The following RGL1 variants were observed in gnomAD, a reference collection of about 807,000 sequenced individuals.
RGL1 encodes the protein ral guanine nucleotide dissociation stimulator like 1, also known as ral guanine nucleotide dissociation stimulator-like 1.
In RGL1, 24 loss-of-function variants were observed where a neutral mutation model predicts 95.2. The ratio of observed to expected loss-of-function variants is 0.25; its 90% CI spans 0.18 to 0.35. The LOEUF (loss-of-function observed/expected upper bound fraction) is 0.35. RGL1 is among the 10% of genes least tolerant of loss of function. The pLI is 1.00. For missense variants in RGL1, 715 were observed against 936.3 expected, an observed-to-expected ratio of 0.76 and a Z score of 3.08; for synonymous variants, 329 against 344.9, an observed-to-expected ratio of 0.95 and a Z score of 0.51.
At chr1:183,898,892 G>T (rs1667857939) in intron 10 of RGL1, among the ~76,000 whole-genome samples, 1 of 152,212 alleles carries the variant, frequency 6.6e-6, no homozygotes, top group South Asian at 2.1e-4. Context: ...GCTTTACCCT[G>T]TTTGAGGCTT....
At chr1:183,767,243 A>G (rs1572387546) in intron 2 of RGL1, among the ~76,000 whole-genome samples, 2 of 151,424 alleles carry the variant, frequency 1.3e-5, no homozygotes, top group South Asian at 4.1e-4. Flanking sequence ...AAAAAAAAAA[A>G]AAAGAAACTA....
chr1:183,792,377 C>T (rs532259618), intron 2 of RGL1, among the ~76,000 whole-genome samples: 15 of 152,140 alleles, frequency 9.9e-5, no homozygotes, highest in Admixed American at 9.8e-4. Context: ...CTACTCTAAG[C>T]TAACCTATGG....
chr1:183,706,225 G>A (rs1316534024), intron 1 of RGL1, among the ~76,000 whole-genome samples: 1 of 152,166 alleles, frequency 6.6e-6, no homozygotes, highest in African/African-American at 2.4e-5. Flanking sequence ...AAGAGTGAGT[G>A]AAGGAAAAGG....
At chr1:183,776,211 C>G (rs554267935) in intron 2 of RGL1, among the ~76,000 whole-genome samples, 37 of 142,216 alleles carry the variant, frequency 2.6e-4, no homozygotes, top group African/African-American at 9.6e-4. Context: ...TGCAGTGGCG[C>G]GATCTCGGCT....
intron 1 of RGL1, among the ~76,000 whole-genome samples, chr1:183,740,400 C>T (rs1420804210): frequency 6.6e-6 from 1 of 152,218 alleles, no homozygotes; most frequent in Non-Finnish European, 1.5e-5. Flanking sequence ...GCTTACTCTC[C>T]ATGGCTTACA....
chr1:183,851,744 A>G (rs1382551839), intron 3 of RGL1, among the ~76,000 whole-genome samples: 1 of 152,232 alleles, frequency 6.6e-6, no homozygotes, highest in Non-Finnish European at 1.5e-5. Context: ...CCTCAACATG[A>G]GTATTTCTTC....
intron 1 of RGL1, among the ~76,000 whole-genome samples, chr1:183,739,168 T>A (rs1393430223): frequency 6.6e-6 from 1 of 152,208 alleles, no homozygotes; most frequent in African/African-American, 2.4e-5. Flanking sequence ...AGTTGAGATG[T>A]CAGTAAAAAG....
rs139895288 is a variant in RGL1 at position 183,912,143 on chromosome 1, A to G, written c.1624A>G (p.Thr542Ala). 6.2e-7 allele frequency: 1 copy of G among 1,614,086 alleles called. No homozygotes were observed. The highest frequency in any genetic ancestry group is 1.3e-5 in the African/African-American group (1 of 75,032). Reference protein sequence around the residue: ...PTPTKEQPKSTASGSSGESMD... With the variant: ...PTPTKEQPKSAASGSSGESMD... ...TCCCACCAAAGAGCAGCCCAAGTCC[A>G]CTGCCAGCGGGAGCTCTGGTGAAAG... The change falls in exon 15 of 18, where the codon ACT becomes GCT. Residue 542 changes from threonine to alanine, a missense_variant. Around this residue, in one of 3 missense-constraint regions of RGL1, gnomAD observed 330 missense variants for 429.6 expected, o/e 0.77. Coordinates refer to ENST00000360851, the MANE Select transcript of RGL1 (RefSeq NM_001297671.3).
chr1:183,866,953 T>G (rs1331710980), intron 4 of RGL1, among the ~76,000 whole-genome samples: 1 of 152,014 alleles, frequency 6.6e-6, no homozygotes, highest in Non-Finnish European at 1.5e-5. Flanking sequence ...CAAGCTGGAG[T>G]GCATGGGCTG....
intron 5 of RGL1, among the ~76,000 whole-genome samples, chr1:183,882,554 A>AG (rs1666883237): frequency 6.6e-6 from 1 of 152,176 alleles, no homozygotes; most frequent in African/African-American, 2.4e-5. Flanking sequence ...AGCTTCCTTT[A>AG]GCTTGTACCT....
At chr1:183,836,847 A>C (rs1033448973) in intron 2 of RGL1, among the ~76,000 whole-genome samples, 3 of 152,158 alleles carry the variant, frequency 2.0e-5, no homozygotes, top group Non-Finnish European at 4.4e-5. Flanking sequence ...TAAATATTTC[A>C]TTTTGGAGGG....
chr1:183,862,503 GTTTTGCAT>G (rs912267321), intron 3 of RGL1, among the ~76,000 whole-genome samples: 3 of 152,160 alleles, frequency 2.0e-5, no homozygotes, highest in Admixed American at 6.5e-5. Context: ...GTATACTTTT[GTTTTGCAT>G]TTTAATAGTT....
chr1:183,744,802 GTTGA>G (rs1041341227), intron 2 of RGL1, among the ~76,000 whole-genome samples: 2 of 151,724 alleles, frequency 1.3e-5, no homozygotes, highest in Non-Finnish European at 2.9e-5. Flanking sequence ...TCATTCTCTT[GTTGA>G]TTAACTTTTA....
At chr1:183,669,029 G>A (rs1404472029) in intron 1 of RGL1, among the ~76,000 whole-genome samples, 8 of 141,660 alleles carry the variant, frequency 5.6e-5, no homozygotes, top group East Asian at 4.4e-4. Context: ...TGCAACCTCC[G>A]CCTCCCGGGT....
chr1:183,640,776 A>G (rs1254541405), intron 1 of RGL1, among the ~76,000 whole-genome samples: 1 of 152,114 alleles, frequency 6.6e-6, no homozygotes, highest in Non-Finnish European at 1.5e-5. Context: ...TATTTCTGTC[A>G]CCTATTTTAT....
chr1:183,857,038 G>A (rs1665196212), intron 3 of RGL1, among the ~76,000 whole-genome samples: 1 of 152,142 alleles, frequency 6.6e-6, no homozygotes, highest in Non-Finnish European at 1.5e-5. Context: ...GTTGCAGATG[G>A]AATTAAGGTT....
chr1:183,898,877 G>T (rs1380007661), intron 10 of RGL1, among the ~76,000 whole-genome samples: 1 of 152,178 alleles, frequency 6.6e-6, no homozygotes, highest in Admixed American at 6.5e-5. Context: ...ATGTCAAGCA[G>T]CCTGGCTTTA....
intron 1 of RGL1, among the ~76,000 whole-genome samples, chr1:183,701,431 G>A (rs1558160920): frequency 6.6e-6 from 1 of 152,124 alleles, no homozygotes; most frequent in Non-Finnish European, 1.5e-5. Flanking sequence ...TTGTATGACT[G>A]ATGGGAATGG....
intron 2 of RGL1, among the ~76,000 whole-genome samples, chr1:183,780,908 A>T (rs1349659494): frequency 6.6e-6 from 1 of 152,206 alleles, no homozygotes; most frequent in Non-Finnish European, 1.5e-5. Context: ...TTCCGTGGCA[A>T]TGGAGCCACC....
Sources: allele counts gnomAD v4.1 joint callset (sites outside exome capture counted in the v4.1 genomes callset), GRCh38; gene constraint gnomAD v4.1.1; regional missense constraint gnomAD v4.1.1; transcripts MANE v1.5; gene names NCBI Gene and HGNC (gene_info 2026-07-23, HGNC 2026-07-21).